The following AGAP1 variants were observed in gnomAD, a reference collection of about 807,000 sequenced individuals.
The protein encoded by AGAP1 is ArfGAP with GTPase domain, ankyrin repeat and PH domain 1.
In AGAP1, 29 loss-of-function variants were observed where a neutral mutation model predicts 105.3. That is an observed-to-expected ratio of 0.28 (90% confidence interval 0.21 to 0.38). The LOEUF is 0.38. AGAP1 is among the 10% of genes least tolerant of loss of function. AGAP1 has a pLI of 1.00. For missense variants in AGAP1, 998 were observed against 1,165.1 expected, an observed-to-expected ratio of 0.86 and a Z score of 2.09; for synonymous variants, 509 against 485.9, an observed-to-expected ratio of 1.05 and a Z score of -0.63.
At chr2:235,711,693 C>T (rs557711026) in intron 2 of AGAP1, among the ~76,000 whole-genome samples, 3 of 152,288 alleles carry the variant, frequency 2.0e-5, no homozygotes, top group Admixed American at 6.5e-5. Context: ...TCGTCCTCAT[C>T]GGCACCCCCA....
At chr2:235,794,169 T>TAC (rs144024907) in intron 6 of AGAP1, among the ~76,000 whole-genome samples, 1 of 152,080 alleles carries the variant, frequency 6.6e-6, no homozygotes, top group Admixed American at 6.5e-5. Flanking sequence ...TTATACAATG[T>TAC]ACACACACAC....
At chr2:235,580,537 A>T (rs1944897036) in intron 1 of AGAP1, among the ~76,000 whole-genome samples, 2 of 152,086 alleles carry the variant, frequency 1.3e-5, no homozygotes. Flanking sequence ...AGTGTATCTG[A>T]GAGTGCTTCT....
chr2:235,727,424 G>A (rs746968992), intron 3 of AGAP1, among the ~76,000 whole-genome samples: 1 of 152,036 alleles, frequency 6.6e-6, no homozygotes. Flanking sequence ...TTTGAACTTG[G>A]GTGCTAAAGG....
chr2:235,948,150 G>A (rs978172672), intron 12 of AGAP1, among the ~76,000 whole-genome samples: 1 of 152,088 alleles, frequency 6.6e-6, no homozygotes, highest in African/African-American at 2.4e-5. Context: ...TCATCTAAAA[G>A]TGTGCCAGGT....
rs1956839227 is a variant in AGAP1 at position 235,789,366 on chromosome 2, A to G, written c.674-8393A>G. Among the ~76,000 whole-genome samples, 1 of 152,190 alleles carries G rather than the reference A, an allele frequency of 6.6e-6. No homozygotes were observed. The highest frequency in any genetic ancestry group is 1.5e-5 in the Non-Finnish European group (1 of 68,036). ...ACTGTTTATTACAGTCGGCATTTAA[A>G]TCCCCCGATTAATAGGAGCAATTAA... On this transcript the variant is annotated intron_variant, in intron 6 of 17. Transcript: ENST00000304032. The surrounding 1 kb of genome is among the most constrained non-coding windows in gnomAD (Gnocchi z 4.2).
chr2:235,783,458 G>C, intron 6 of AGAP1: 1 of 461,266 alleles, frequency 2.2e-6, no homozygotes, highest in Middle Eastern at 3.3e-4. Flanking sequence ...ATAGAGTCCT[G>C]TTAGGAAGCA....
In AGAP1 at chr2:235,498,353, G is replaced by C. The variant is rs192991654; in HGVS notation, c.163+3504G>C. Among the ~76,000 whole-genome samples, 11 of 151,914 alleles carry C rather than the reference G, an allele frequency of 7.2e-5. No homozygotes were observed. In the East Asian group the frequency reaches 1.9e-3, roughly 27 times the overall value. ...CACTAGAGTTTAAGGAAGCATTGCT[G>C]ATTGTTCCAGATTTATCTGATCAGG... On this transcript the variant is annotated intron_variant, in intron 1 of 17. Coordinates refer to ENST00000304032, the MANE Select transcript of AGAP1 (RefSeq NM_001037131.3).
chr2:236,052,666 A>G (rs1275119299), intron 16 of AGAP1, among the ~76,000 whole-genome samples: 3 of 152,140 alleles, frequency 2.0e-5, no homozygotes, highest in African/African-American at 7.2e-5. Context: ...TACTCCCAGG[A>G]AGAAAAAAAA....
intron 1 of AGAP1, among the ~76,000 whole-genome samples, chr2:235,502,381 G>T (rs545282712): frequency 1.3e-5 from 2 of 152,280 alleles, no homozygotes; most frequent in South Asian, 4.1e-4. Flanking sequence ...ATATAGGCTC[G>T]AGGGTGGGGA....
chr2:236,084,287 C>T (rs2058866241), intron 16 of AGAP1, among the ~76,000 whole-genome samples: 1 of 152,120 alleles, frequency 6.6e-6, no homozygotes, highest in Admixed American at 6.5e-5. Context: ...CGGCCAGCCC[C>T]GTGACCTGCC....
chr2:236,077,378 G>C (rs982868096), intron 16 of AGAP1, among the ~76,000 whole-genome samples: 3 of 150,724 alleles, frequency 2.0e-5, no homozygotes, highest in African/African-American at 7.3e-5. Context: ...GAGTGCAGTG[G>C]CGCGATCTCA....
chr2:235,845,743 A>C lies in AGAP1; in HGVS notation c.1051-37602A>C, dbSNP rs1365175563. On this transcript the variant is annotated intron_variant, in intron 9 of 17. Coordinates refer to ENST00000304032, the MANE Select transcript of AGAP1 (RefSeq NM_001037131.3). This position sits in a 1 kb window ranked among gnomAD's most constrained non-coding sequence, Gnocchi z 4.8. The stretch of plus-strand genomic sequence containing the variant: ...CTGATGTCATCTATTAACCTTCTCC[A>C]GCTGCTCCGAGATGGTCACCAAGTC... Among the ~76,000 whole-genome samples the C allele has an allele frequency of 2.6e-5, 4 of 151,630 alleles. No homozygotes were observed. The highest frequency in any genetic ancestry group is 5.9e-5 in the Non-Finnish European group (4 of 67,902).
At chr2:235,643,128 G>A (rs1947252886) in intron 1 of AGAP1, among the ~76,000 whole-genome samples, 1 of 152,054 alleles carries the variant, frequency 6.6e-6, no homozygotes, top group Non-Finnish European at 1.5e-5. Flanking sequence ...TGCATACATG[G>A]ATTCTTTGAA....
intron 12 of AGAP1, among the ~76,000 whole-genome samples, chr2:235,950,274 T>C (rs11898880): frequency 0.65 from 98,756 of 152,140 alleles, 33,920 homozygotes; most frequent in African/African-American, 0.89. Context: ...CGGGTTTCCC[T>C]AGCCCAGCAC....
Position 235,983,954 on chromosome 2 carries a change from G to A in AGAP1, c.1645+15331G>A, listed in dbSNP as rs753171267. Among the ~76,000 whole-genome samples the A allele has an allele frequency of 2.2e-4, 33 of 152,284 alleles. No individual in the cohort carries two copies. The highest frequency in any genetic ancestry group is 4.3e-4 in the Non-Finnish European group (29 of 68,032). On this transcript the variant is annotated intron_variant, in intron 13 of 17. Transcript: ENST00000304032. This position sits in a 1 kb window ranked among gnomAD's most constrained non-coding sequence, Gnocchi z 4.5. ...GTTTTTAAGTGTTCAATTCAGTGCCGTTGAATTATATTTTCACATTCACAG... is the reference window on the plus strand; with the variant it reads ...GTTTTTAAGTGTTCAATTCAGTGCCATTGAATTATATTTTCACATTCACAG...
rs1168119165 is a variant in AGAP1, at chr2:235,889,311, T to C, written c.1155+5862T>C. Among the ~76,000 whole-genome samples the C allele has an allele frequency of 6.6e-6, 1 of 152,102 alleles. No individual in the cohort carries two copies. The highest frequency in any genetic ancestry group is 1.5e-5 in the Non-Finnish European group (1 of 68,030). ...GGAAACCTGACATTGCAGGACACCG[T>C]GGGGCTGGTGTGAGGCTGAAAATGT... On this transcript the variant is annotated intron_variant, in intron 10 of 17. Transcript: ENST00000304032. This position sits in a 1 kb window ranked among gnomAD's most constrained non-coding sequence, Gnocchi z 4.6.
intron 1 of AGAP1, among the ~76,000 whole-genome samples, chr2:235,560,109 C>T (rs919950655): frequency 2.0e-5 from 3 of 152,036 alleles, no homozygotes; most frequent in Non-Finnish European, 2.9e-5. Flanking sequence ...TAAGAGTTTT[C>T]TGATGGTTTC....
chr2:235,937,189 C>G (rs1404722866), intron 12 of AGAP1, among the ~76,000 whole-genome samples: 1 of 152,176 alleles, frequency 6.6e-6, no homozygotes, highest in Non-Finnish European at 1.5e-5. Flanking sequence ...TCTCATCTCT[C>G]AAAGCTGGGC....
intron 16 of AGAP1, among the ~76,000 whole-genome samples, chr2:236,075,311 G>C (rs957686705): frequency 1.5e-4 from 23 of 152,076 alleles, no homozygotes; most frequent in Non-Finnish European, 2.4e-4. Flanking sequence ...TTTATGATAT[G>C]TAAATTATAC....
Sources: gnomAD v4.1 joint callset for allele counts (sites outside exome capture counted in the v4.1 genomes callset) on GRCh38, gnomAD v4.1.1 for gene constraint, Gnocchi (gnomAD v3.1) non-coding constraint, MANE v1.5 for transcripts, NCBI Gene and HGNC (gene_info 2026-07-23, HGNC 2026-07-21) for gene names.